The following FRMD4A variants were observed in gnomAD, a reference collection of about 807,000 sequenced individuals.
FRMD4A encodes the protein FERM domain containing 4A, also known as FERM domain-containing protein 4A.
In FRMD4A, 29 loss-of-function variants were observed where a neutral mutation model predicts 129.1. The observed-to-expected ratio is 0.22, with a 90% CI of 0.17 to 0.31. FRMD4A has a LOEUF of 0.31. FRMD4A is among the 10% of genes least tolerant of loss of function. FRMD4A has a pLI of 1.00. For missense variants in FRMD4A, 1,272 were observed against 1,375.8 expected (o/e 0.92, Z 1.19); for synonymous variants, 634 against 571.6 (o/e 1.11, Z -1.56).
At chr10:13,981,697 C>G (rs1468912040) in intron 2 of FRMD4A, among the ~76,000 whole-genome samples, 1 of 148,976 alleles carries the variant, frequency 6.7e-6, no homozygotes, top group Non-Finnish European at 1.5e-5. Flanking sequence ...CGAGATCACG[C>G]CATTGCACTC....
chr10:14,132,554 G>C (rs1458710791), intron 2 of FRMD4A, among the ~76,000 whole-genome samples: 1 of 152,304 alleles, frequency 6.6e-6, no homozygotes, highest in South Asian at 2.1e-4. Flanking sequence ...ACCTGGGAAA[G>C]TGATGTGACT....
chr10:14,179,220 A>G (rs1277222844), intron 2 of FRMD4A, among the ~76,000 whole-genome samples: 10 of 152,106 alleles, frequency 6.6e-5, no homozygotes, highest in Admixed American at 1.3e-4. Flanking sequence ...TAGCCAAACA[A>G]TTAGGTTTTA....
At chr10:14,009,159 T>G (rs1157546977) in intron 2 of FRMD4A, among the ~76,000 whole-genome samples, 1 of 152,236 alleles carries the variant, frequency 6.6e-6, no homozygotes, top group African/African-American at 2.4e-5. Flanking sequence ...CTTTGATGGA[T>G]GGCATAAATG....
intron 2 of FRMD4A, among the ~76,000 whole-genome samples, chr10:14,078,487 AGACACAGGCAGT>A (rs1194353770): frequency 6.6e-6 from 1 of 152,226 alleles, no homozygotes; most frequent in East Asian, 1.9e-4. Context: ...GCCCTCCAGA[AGACACAGGCAGT>A]GGCTCAGGTG....
chr10:14,330,307 G>C, intron 1 of FRMD4A, 124 bp from the exon 2 acceptor site: 1 of 425,918 alleles, frequency 2.3e-6, no homozygotes. Flanking sequence ...GCTTAGGGAG[G>C]AAAAAAAAAA....
intron 4 of FRMD4A, among the ~76,000 whole-genome samples, chr10:13,799,222 A>G (rs2093197433): frequency 6.6e-6 from 1 of 152,166 alleles, no homozygotes; most frequent in African/African-American, 2.4e-5. Context: ...CAGTGGTGTG[A>G]TCTAGTCTCA....
intron 12 of FRMD4A, among the ~76,000 whole-genome samples, chr10:13,713,291 T>C (rs911536741): frequency 1.3e-5 from 2 of 152,164 alleles, no homozygotes; most frequent in African/African-American, 2.4e-5. Context: ...AAATAAGTAA[T>C]TGATGATGGG....
chr10:13,831,327 G>A lies in FRMD4A; in HGVS notation c.112-20419C>T, dbSNP rs543151989. On this transcript the variant is annotated intron_variant, in intron 3 of 24. Coordinates refer to ENST00000357447, the MANE Select transcript of FRMD4A (RefSeq NM_018027.5). Reference sequence around the variant, plus strand: ...GCCAGGTATGGTGGTGTATACCTGAGGTCTCAGCACTTTGGGAAGTTGAGG... The same window carrying A: ...GCCAGGTATGGTGGTGTATACCTGAAGTCTCAGCACTTTGGGAAGTTGAGG... Among the ~76,000 whole-genome samples the A allele has an allele frequency of 5.1e-4, 78 of 152,264 alleles. 2 individuals are homozygous for A. In the South Asian group the frequency reaches 0.015, roughly 29 times the overall value.
chr10:13,832,349 C>T (rs570208849), intron 3 of FRMD4A, among the ~76,000 whole-genome samples: 108 of 152,274 alleles, frequency 7.1e-4, no homozygotes, highest in African/African-American at 2.5e-3. Flanking sequence ...AACAGACCCT[C>T]GTGCTTCGTC....
intron 2 of FRMD4A, among the ~76,000 whole-genome samples, chr10:14,104,676 G>A (rs1298897977): frequency 6.6e-6 from 1 of 152,230 alleles, no homozygotes; most frequent in East Asian, 1.9e-4. Flanking sequence ...GTCTCCACGA[G>A]CCAGTCCTGG....
At chr10:14,034,990 C>T (rs1588835837) in intron 2 of FRMD4A, among the ~76,000 whole-genome samples, 2 of 152,260 alleles carry the variant, frequency 1.3e-5, no homozygotes, top group South Asian at 2.1e-4. Flanking sequence ...GTGTCAAATT[C>T]CCAGCTTAAC....
intron 2 of FRMD4A, among the ~76,000 whole-genome samples, chr10:14,136,014 C>A (rs1839517532): frequency 6.6e-6 from 1 of 152,192 alleles, no homozygotes. Context: ...TTGGCCCTGA[C>A]TCTCTGGCTG....
intron 8 of FRMD4A, among the ~76,000 whole-genome samples, chr10:13,756,669 G>A (rs932507588): frequency 1.3e-5 from 2 of 152,158 alleles, no homozygotes; most frequent in African/African-American, 2.4e-5. Context: ...TTTGCTTAAA[G>A]TTATTATTTT....
In FRMD4A at chr10:13,987,602, G is replaced by T. The variant is rs537479828; in HGVS notation, c.46-128690C>A. Among the ~76,000 whole-genome samples the T allele has an allele frequency of 9.3e-4, 142 of 152,268 alleles. 1 individual carries two copies. The highest frequency in any genetic ancestry group is 3.2e-3 in the African/African-American group (134 of 41,548). Reference sequence around the variant, plus strand: ...TCTGGATGGGAGACTAGAATATTCAGAGGTTACAACCTGCGGCCAACAGAG... The same window carrying T: ...TCTGGATGGGAGACTAGAATATTCATAGGTTACAACCTGCGGCCAACAGAG... On this transcript the variant is annotated intron_variant, in intron 2 of 24. Transcript: ENST00000357447.
intron 2 of FRMD4A, among the ~76,000 whole-genome samples, chr10:14,217,977 T>C (rs2131966304): frequency 6.6e-6 from 1 of 152,184 alleles, no homozygotes; most frequent in East Asian, 1.9e-4. Context: ...ATTACAGGCG[T>C]TCACCACCAC....
chr10:14,225,625 T>C (rs1036130648), intron 2 of FRMD4A, among the ~76,000 whole-genome samples: 2 of 152,204 alleles, frequency 1.3e-5, no homozygotes, highest in African/African-American at 4.8e-5. Flanking sequence ...CCCTCCCGAT[T>C]GTGAGGAACA....
intron 2 of FRMD4A, among the ~76,000 whole-genome samples, chr10:14,296,122 C>T (rs1013846997): frequency 1.3e-5 from 2 of 152,010 alleles, no homozygotes; most frequent in Non-Finnish European, 2.9e-5. Flanking sequence ...CTTCCTACTC[C>T]CAGCGGAAGA....
Position 13,788,288 on chromosome 10 carries a change from C to T in FRMD4A, c.300-5282G>A, listed in dbSNP as rs569204065. On this transcript the variant is annotated intron_variant, in intron 5 of 24. Transcript: ENST00000357447. ...GCCCTCACCACCCTAGGGACACGTA[C>T]CAGACAACTAGGGGGCAGCCCCCAT... Among the ~76,000 whole-genome samples, 3 of 152,296 alleles carry T rather than the reference C, an allele frequency of 2.0e-5. No homozygotes were observed. In the East Asian group the frequency reaches 5.8e-4, roughly 29 times the overall value.
chr10:14,204,128 G>A (rs995734553), intron 2 of FRMD4A, among the ~76,000 whole-genome samples: 1 of 152,118 alleles, frequency 6.6e-6, no homozygotes, highest in African/African-American at 2.4e-5. Flanking sequence ...GACTCACTTA[G>A]AGGTATCACT....
Sources: gnomAD v4.1 joint callset for allele counts (sites outside exome capture counted in the v4.1 genomes callset) on GRCh38, gnomAD v4.1.1 for gene constraint, MANE v1.5 for transcripts, NCBI Gene and HGNC (gene_info 2026-07-23, HGNC 2026-07-21) for gene names.